Variants in TOX observed in about 807,000 individuals in gnomAD.
TOX encodes thymocyte selection associated high mobility group box.
Under a neutral mutation model 53.7 loss-of-function variants are expected in TOX, and 11 were observed. That is an observed-to-expected ratio of 0.20 (90% CI 0.13 to 0.34). The LOEUF (loss-of-function observed/expected upper bound fraction) is 0.34, where lower values mean the gene tolerates loss of function less well. Among genes scored for constraint, TOX ranks in the 10% least tolerant of loss-of-function variants. The pLI, the probability that TOX is intolerant of heterozygous loss-of-function variation, is 1.00. For missense variants in TOX, 570 were observed against 664.6 expected (o/e 0.86, Z 1.56); for synonymous variants, 225 against 245.3 (o/e 0.92, Z 0.77).
rs546746295 is a variant in TOX, at chr8:59,012,083, T to C, written c.103-52075A>G. On this transcript the variant is annotated intron_variant, in intron 1 of 8. Coordinates refer to ENST00000361421, the MANE Select transcript of TOX (RefSeq NM_014729.3). The stretch of plus-strand genomic sequence containing the variant: ...ATCCTCCTTCTCCCTGTCACCCTTG[T>C]ATCCTCTCAAAAAAATGTGACCAGC... Among the ~76,000 whole-genome samples the C allele has an allele frequency of 2.6e-5, 4 of 152,264 alleles. No homozygotes were observed. The East Asian group carries it at 7.7e-4, about 29-fold the overall frequency.
intron 1 of TOX, among the ~76,000 whole-genome samples, chr8:59,085,979 CTTTT>C (rs35593177): frequency 9.0e-5 from 8 of 88,836 alleles, no homozygotes; most frequent in Non-Finnish European, 1.3e-4. Flanking sequence ...CTTTTCTTTT[CTTTT>C]TTTTTTTTTT....
rs372845575 is a variant in TOX at position 58,907,150 on chromosome 8, C to T, written c.411+32152G>A. ...CCTCCTGTATTTCCCTTGCCACCTA[C>T]ATCTAAGGCACTTGATAGCTCCATT... On this transcript the variant is annotated intron_variant, in intron 3 of 8. Transcript: ENST00000361421. 9.2e-5 allele frequency among the ~76,000 whole-genome samples: 14 copies of T among 152,322 alleles called. No individual in the cohort carries two copies. In the East Asian group the frequency reaches 2.5e-3, roughly 27 times the overall value.
At chr8:58,973,643 A>G (rs1416400851) in intron 1 of TOX, among the ~76,000 whole-genome samples, 1 of 152,222 alleles carries the variant, frequency 6.6e-6, no homozygotes, top group Non-Finnish European at 1.5e-5. Context: ...TCCATTATTT[A>G]GAAGGTTATT....
intron 3 of TOX, among the ~76,000 whole-genome samples, chr8:58,910,065 G>C (rs1263571501): frequency 6.6e-6 from 1 of 152,160 alleles, no homozygotes; most frequent in Non-Finnish European, 1.5e-5. Context: ...CCCAGCCACA[G>C]AGACCAATTT....
chr8:59,116,717 G>A (rs982976923), intron 1 of TOX, among the ~76,000 whole-genome samples: 5 of 152,064 alleles, frequency 3.3e-5, no homozygotes, highest in African/African-American at 1.2e-4. Flanking sequence ...TTATGACTTT[G>A]GATTTTAAAA....
intron 2 of TOX, among the ~76,000 whole-genome samples, chr8:58,954,994 G>A (rs1026536617): frequency 2.0e-5 from 3 of 152,194 alleles, no homozygotes; most frequent in Non-Finnish European, 2.9e-5. Context: ...CAGGGGCCCA[G>A]TGGAGGTAGA....
Position 58,807,602 on chromosome 8 carries a change from G to A in TOX, c.*145C>T, listed in dbSNP as rs1313553878. 1 of 738,374 alleles carries A rather than the reference G, an allele frequency of 1.4e-6. No homozygotes were observed. Among genetic ancestry groups the A allele is most frequent in the Non-Finnish European group, 2.2e-6 (1 of 449,154 alleles). 45.7% of individuals were successfully genotyped at this position (738,374 alleles called of 1,614,324 possible). On this transcript the variant is annotated 3_prime_UTR_variant, in exon 9 of 9. Coordinates refer to ENST00000361421, the MANE Select transcript of TOX (RefSeq NM_014729.3). ...GAAGCATGACTATTTCTTCCAGAGT[G>A]GGTGACCCACAAGCTCAAATGGTCC... is the stretch of plus-strand genomic sequence containing the variant.
At chr8:58,809,478 T>C (rs1288321395) in intron 7 of TOX, among the ~76,000 whole-genome samples, 2 of 152,224 alleles carry the variant, frequency 1.3e-5, no homozygotes, top group Non-Finnish European at 2.9e-5. Context: ...GTTTATTTCC[T>C]ATTCAAATGA....
chr8:58,857,709 T>C (rs916484375), intron 3 of TOX, among the ~76,000 whole-genome samples: 1 of 152,196 alleles, frequency 6.6e-6, no homozygotes, highest in South Asian at 2.1e-4. Context: ...GGTGCAAACA[T>C]GAGGCACAAT....
At chr8:59,084,389 C>G (rs1804472034) in intron 1 of TOX, among the ~76,000 whole-genome samples, 1 of 151,958 alleles carries the variant, frequency 6.6e-6, no homozygotes, top group Non-Finnish European at 1.5e-5. Context: ...CCACAAAAGT[C>G]TATATTAGTC....
intron 1 of TOX, among the ~76,000 whole-genome samples, chr8:59,053,107 A>T (rs1803822751): frequency 6.6e-6 from 1 of 152,188 alleles, no homozygotes; most frequent in Non-Finnish European, 1.5e-5. Context: ...ATACAATCAA[A>T]CCAAACATTG....
At chr8:58,871,727 C>T (rs1811202631) in intron 3 of TOX, among the ~76,000 whole-genome samples, 1 of 152,100 alleles carries the variant, frequency 6.6e-6, no homozygotes, top group South Asian at 2.1e-4. Context: ...CCAAGTTTCT[C>T]ACTATTGTGG....
At chr8:59,109,478 T>C (rs1804974490) in intron 1 of TOX, among the ~76,000 whole-genome samples, 1 of 152,174 alleles carries the variant, frequency 6.6e-6, no homozygotes, top group East Asian at 1.9e-4. Flanking sequence ...GTGGTTTAGG[T>C]GCTTAGGGGT....
chr8:59,118,876 G>C lies in TOX; in HGVS notation c.102+10C>G. 6.4e-7 allele frequency: 1 copy of C among 1,572,066 alleles called. No individual in the cohort carries two copies. The highest frequency in any genetic ancestry group is 8.6e-7 in the Non-Finnish European group (1 of 1,156,122). ...CAAGAACACGGTGGAAACAAAAGCA[G>C]AGCGTTCACCTTGTTGCAATAGTAG... On this transcript the variant is annotated intron_variant, in intron 1 of 8. Coordinates refer to ENST00000361421, the MANE Select transcript of TOX (RefSeq NM_014729.3). The surrounding 1 kb of genome is among the most constrained non-coding windows in gnomAD (Gnocchi z 4.1).
rs927717714 is a variant in TOX, at chr8:58,815,740, A to C, written c.1006-16T>G. On this transcript the variant is annotated splice_polypyrimidine_tract_variant and intron_variant, in intron 6 of 8. Transcript: ENST00000361421. ...CACTGTAGCTCTGTTGAGGAAATAA[A>C]TGAGCAGAGTTGGGAGGCTGATACA... The C allele has an allele frequency of 1.3e-6, 2 of 1,590,270 alleles. No homozygotes were observed. The highest frequency in any genetic ancestry group is 2.7e-5 in the African/African-American group (2 of 74,342).
intron 1 of TOX, among the ~76,000 whole-genome samples, chr8:58,973,584 T>C (rs1353552420): frequency 6.6e-6 from 1 of 152,226 alleles, no homozygotes; most frequent in Non-Finnish European, 1.5e-5. Context: ...GCTGACTTTA[T>C]GAAGGGTTTC....
intron 1 of TOX, among the ~76,000 whole-genome samples, chr8:59,054,308 C>G (rs1803845372): frequency 6.6e-6 from 1 of 152,164 alleles, no homozygotes; most frequent in Non-Finnish European, 1.5e-5. Context: ...TTTGCGTACT[C>G]TCTCCTTCCT....
At chr8:59,087,316 G>A (rs1007015579) in intron 1 of TOX, among the ~76,000 whole-genome samples, 5 of 151,922 alleles carry the variant, frequency 3.3e-5, no homozygotes, top group Non-Finnish European at 7.4e-5. Flanking sequence ...CAGCTTTGCC[G>A]AAGGTTAAAA....
At chr8:58,956,216 G>C (rs1429978115) in intron 2 of TOX, among the ~76,000 whole-genome samples, 1 of 152,152 alleles carries the variant, frequency 6.6e-6, no homozygotes, top group Non-Finnish European at 1.5e-5. Context: ...CTTAACAACA[G>C]CCTCATATAA....
Sources: gnomAD v4.1 joint callset for allele counts (sites outside exome capture counted in the v4.1 genomes callset) on GRCh38, gnomAD v4.1.1 for gene constraint, Gnocchi (gnomAD v3.1) non-coding constraint, MANE v1.5 for transcripts, NCBI Gene and HGNC (gene_info 2026-07-23, HGNC 2026-07-21) for gene names.